Variants in TANC2 observed in about 807,000 individuals in gnomAD.
TANC2 encodes tetratricopeptide repeat, ankyrin repeat and coiled-coil containing 2.
In TANC2, 26 loss-of-function variants were observed where a neutral mutation model predicts 210.5. The ratio of observed to expected loss-of-function variants is 0.12; its 90% CI spans 0.09 to 0.17. The LOEUF (loss-of-function observed/expected upper bound fraction) is 0.17. TANC2 is among the 10% of genes least tolerant of loss of function. The pLI is 1.00. For synonymous variants in TANC2, 931 were observed against 967.1 expected (o/e 0.96, Z 0.69); for missense variants, 2,129 against 2,608.9 (o/e 0.82, Z 4.01).
At chr17:63,381,862 A>C (rs2047621213) in intron 15 of TANC2, among the ~76,000 whole-genome samples, 1 of 152,208 alleles carries the variant, frequency 6.6e-6, no homozygotes, top group Non-Finnish European at 1.5e-5. Context: ...GGACTCCATT[A>C]CCATTTATTG....
intron 4 of TANC2, among the ~76,000 whole-genome samples, chr17:63,133,487 T>G (rs996146476): frequency 6.6e-6 from 1 of 150,476 alleles, no homozygotes; most frequent in Non-Finnish European, 1.5e-5. Flanking sequence ...AAAAAAAAAA[T>G]GGAATAACCT....
chr17:62,974,344 G>A (rs1301898850), intron 1 of TANC2, among the ~76,000 whole-genome samples: 1 of 152,054 alleles, frequency 6.6e-6, no homozygotes, highest in Admixed American at 6.5e-5. Flanking sequence ...ACAGCATGTA[G>A]TAGAATGTTT....
intron 7 of TANC2, among the ~76,000 whole-genome samples, chr17:63,237,195 G>A (rs2042644086): frequency 6.6e-6 from 1 of 151,958 alleles, no homozygotes; most frequent in Non-Finnish European, 1.5e-5. Context: ...TAAGACGGTG[G>A]TTTTAAGTTG....
chr17:63,364,266 A>G (rs777315945), intron 14 of TANC2, among the ~76,000 whole-genome samples: 4 of 152,216 alleles, frequency 2.6e-5, no homozygotes, highest in African/African-American at 4.8e-5. Flanking sequence ...AGCATAAATC[A>G]TAGGATCGAC....
In TANC2 at chr17:63,376,543, G is replaced by A. The variant is rs570774233; in HGVS notation, c.2583-3175G>A. Among the ~76,000 whole-genome samples the A allele has an allele frequency of 1.9e-3, 286 of 152,256 alleles. 1 individual carries two copies. The highest frequency in any genetic ancestry group is 6.6e-3 in the African/African-American group (275 of 41,558). On this transcript the variant is annotated intron_variant, in intron 14 of 27. Coordinates refer to ENST00000689528, the Ensembl canonical transcript of TANC2. ...AACCTGGAACACAGGGGATGGGACA[G>A]CTCCCATCATACATAGGAATCATCA...
At chr17:62,974,386 A>G (rs995282818) in intron 1 of TANC2, among the ~76,000 whole-genome samples, 1 of 152,048 alleles carries the variant, frequency 6.6e-6, no homozygotes, top group Non-Finnish European at 1.5e-5. Flanking sequence ...TCTCATATAC[A>G]TTTTTTGCAA....
chr17:63,375,322 C>G (rs996527116), intron 14 of TANC2, among the ~76,000 whole-genome samples: 4 of 152,214 alleles, frequency 2.6e-5, no homozygotes, highest in Non-Finnish European at 4.4e-5. Context: ...TGCTGTTTCT[C>G]CTCAGTGCCT....
intron 6 of TANC2, among the ~76,000 whole-genome samples, chr17:63,197,148 G>A (rs1042410231): frequency 4.6e-5 from 7 of 152,032 alleles, no homozygotes; most frequent in South Asian, 2.1e-4. Context: ...GTGTGATTTG[G>A]GGGAAATTAC....
At chr17:63,046,641 T>C (rs1220002796) in intron 2 of TANC2, among the ~76,000 whole-genome samples, 1 of 152,014 alleles carries the variant, frequency 6.6e-6, no homozygotes, top group Non-Finnish European at 1.5e-5. Flanking sequence ...CTTTAACATA[T>C]TTTAATCTCA....
intron 9 of TANC2, among the ~76,000 whole-genome samples, chr17:63,270,833 G>A (rs1384753587): frequency 6.6e-6 from 1 of 151,936 alleles, no homozygotes; most frequent in African/African-American, 2.4e-5. Flanking sequence ...CCTCCCACCA[G>A]TAGGCCCCAG....
chr17:63,351,299 T>C, exon 13 of TANC2: 1 of 1,610,108 alleles, frequency 6.2e-7, no homozygotes, highest in Non-Finnish European at 8.5e-7. Flanking sequence ...ATGGATTAAA[T>C]GAAGCAGAAT....
chr17:63,398,248 C>T (rs193112706), intron 18 of TANC2, among the ~76,000 whole-genome samples: 1 of 152,064 alleles, frequency 6.6e-6, no homozygotes, highest in Admixed American at 6.5e-5. Flanking sequence ...AGTTCAAGAC[C>T]ACCCTGGACA....
At chr17:63,079,011 T>A (rs1474140687) in intron 3 of TANC2, among the ~76,000 whole-genome samples, 1 of 152,220 alleles carries the variant, frequency 6.6e-6, no homozygotes. Flanking sequence ...TGGATTTGTC[T>A]ATTTCTCCTT....
At position 63,192,421 on chromosome 17, in the gene TANC2, C is replaced by T. The variant is rs114374148; in HGVS notation, c.434-1570C>T. On this transcript the variant is annotated intron_variant, in intron 5 of 27. Transcript: ENST00000689528. ...TATCTGTCTCTTAAGAACCTCCATT[C>T]GATTACCTTACTTAGTGTTTACAAC... Among the ~76,000 whole-genome samples, 171 of 152,258 alleles carry T rather than the reference C, an allele frequency of 1.1e-3. 1 individual carries two copies. The highest frequency in any genetic ancestry group is 3.4e-3 in the African/African-American group (142 of 41,556).
intron 4 of TANC2, among the ~76,000 whole-genome samples, chr17:63,110,146 A>C (rs2037979916): frequency 6.6e-6 from 1 of 151,606 alleles, no homozygotes; most frequent in South Asian, 2.1e-4. Context: ...ATTGAATAGA[A>C]ACTCCTAGTG....
intron 9 of TANC2, among the ~76,000 whole-genome samples, chr17:63,282,344 A>G (rs1293521473): frequency 6.6e-6 from 1 of 152,106 alleles, no homozygotes; most frequent in African/African-American, 2.4e-5. Context: ...AAATATAAAG[A>G]GATATTATAT....
At chr17:63,415,777 T>A in intron 26 of TANC2, 103 bp downstream of exon 26, 1 of 1,418,626 alleles carries the variant, frequency 7.0e-7, no homozygotes, top group South Asian at 1.4e-5. Context: ...TCTGCCCCAT[T>A]TGGAACTTGG....
chr17:63,033,702 A>T (rs192365053), intron 2 of TANC2, among the ~76,000 whole-genome samples: 1 of 152,160 alleles, frequency 6.6e-6, no homozygotes, highest in East Asian at 1.9e-4. Flanking sequence ...GGTGCTCTTC[A>T]TTTGAGGTTT....
At chr17:63,095,014 A>AGTAATGTAGAGTACCAGT (rs1336671395) in intron 3 of TANC2, among the ~76,000 whole-genome samples, 3 of 150,690 alleles carry the variant, frequency 2.0e-5, no homozygotes, top group Admixed American at 6.6e-5. Flanking sequence ...TTTTTTTTTT[A>AGTAATGTAGAGTACCAGT]ACTTCATGTT....
Sources: allele counts gnomAD v4.1 joint callset (sites outside exome capture counted in the v4.1 genomes callset), GRCh38; gene constraint gnomAD v4.1.1; transcripts MANE v1.5; gene names NCBI Gene and HGNC (gene_info 2026-07-23, HGNC 2026-07-21).